SLC8A2: variants seen among roughly 807,000 people sequenced by gnomAD.
The protein encoded by SLC8A2 is solute carrier family 8 member A2.
A neutral mutation model predicts 70.2 loss-of-function variants in SLC8A2; 14 were observed. The ratio of observed to expected loss-of-function variants is 0.20; its 90% CI spans 0.13 to 0.31. SLC8A2 has a LOEUF of 0.31. Among genes scored for constraint, SLC8A2 ranks in the 10% least tolerant of loss-of-function variants. The pLI is 1.00. For synonymous variants in SLC8A2, 575 were observed against 594.3 expected (o/e 0.97, Z 0.47); for missense variants, 779 against 1,320.1 (o/e 0.59, Z 6.35).
chr19:47,432,541 T>G lies in SLC8A2; in HGVS notation c.2111-96A>C. The G allele has an allele frequency of 8.0e-7, 1 of 1,245,442 alleles. No homozygotes were observed. Among genetic ancestry groups the G allele is most frequent in the Non-Finnish European group, 1.1e-6 (1 of 906,770 alleles). The allele number at this position is 1,245,442 out of a possible 1,614,324, so 77.1% of individuals were successfully genotyped here. Reference sequence around the variant, plus strand: ...CTAACTTCCTGACAGCAAGTCCCATTGAATGAACTTCTTTCCCAGAATCCC... The same window carrying G: ...CTAACTTCCTGACAGCAAGTCCCATGGAATGAACTTCTTTCCCAGAATCCC... On this transcript the variant is annotated intron_variant, in intron 8 of 9. Coordinates refer to ENST00000236877, the MANE Select transcript of SLC8A2 (RefSeq NM_015063.3). This position sits in a 1 kb window ranked among gnomAD's most constrained non-coding sequence, Gnocchi z 6.2.
intron 2 of SLC8A2, among the ~76,000 whole-genome samples, chr19:47,458,510 T>C (rs1967346045): frequency 7.7e-6 from 1 of 130,678 alleles, no homozygotes; most frequent in Admixed American, 8.0e-5. Context: ...CCCACTTCTC[T>C]CCTCCTCATT....
In SLC8A2 at chr19:47,466,280, C is replaced by T. The variant is rs756026978; in HGVS notation, c.124G>A (p.Gly42Ser). ...TGGCAGCGGTAGGACCCCTGGCAGC[C>T]CCCTGTGCTGGTGTCGCTGTCATTG... ...PANDSDTSTG[G>S]CQGSYRCQPG... Residue 42 changes from glycine (G) to serine (S), a missense_variant, in exon 2 of 10, where the codon GGC (glycine) becomes AGC (serine). Physicochemically the swap from Gly to Ser is moderately conservative, Grantham distance 56. Around this residue, in one of 6 missense-constraint regions of SLC8A2, gnomAD observed 65 missense variants for 61.3 expected, o/e 1.06. Transcript: ENST00000236877. The surrounding 1 kb of genome is among the most constrained non-coding windows in gnomAD (Gnocchi z 6.9). 1 of 1,553,414 alleles carries T rather than the reference C, an allele frequency of 6.4e-7. No individual in the cohort carries two copies. The highest frequency in any genetic ancestry group is 2.3e-5 in the East Asian group (1 of 43,180).
At chr19:47,446,918 T>C (rs1177727646) in intron 4 of SLC8A2, among the ~76,000 whole-genome samples, 1 of 152,076 alleles carries the variant, frequency 6.6e-6, no homozygotes, top group Admixed American at 6.6e-5. Context: ...TACATGTGTG[T>C]GTCTGAGTGT....
chr19:47,452,409 A>ATG, intron 3 of SLC8A2, among the ~76,000 whole-genome samples: 1 of 70,908 alleles, frequency 1.4e-5, no homozygotes, highest in Non-Finnish European at 2.9e-5. Flanking sequence ...AGAGAGAGAG[A>ATG]GAGAGAGAGA....
At chr19:47,471,499 C>A (rs1380986400) in intron 1 of SLC8A2, among the ~76,000 whole-genome samples, 1 of 144,182 alleles carries the variant, frequency 6.9e-6, no homozygotes, top group African/African-American at 2.6e-5. Context: ...AGGTAGAGAG[C>A]GCGAGGGGGG....
intron 3 of SLC8A2, among the ~76,000 whole-genome samples, chr19:47,450,835 G>A (rs1021795942): frequency 2.6e-5 from 4 of 152,064 alleles, no homozygotes; most frequent in African/African-American, 9.7e-5. Flanking sequence ...TTTACCTCCT[G>A]GCGCTGTGGT....
chr19:47,452,835 C>A (rs1452211814), intron 3 of SLC8A2, among the ~76,000 whole-genome samples: 1 of 152,060 alleles, frequency 6.6e-6, no homozygotes, highest in South Asian at 2.1e-4. Context: ...GAGTTTGAGA[C>A]CAGCCTGGCC....
chr19:47,432,443 C>G lies in SLC8A2; in HGVS notation c.2113G>C (p.Asp705His). 6.3e-7 allele frequency: 1 copy of G among 1,589,228 alleles called. No individual in the cohort carries two copies. The highest frequency in any genetic ancestry group is 8.6e-7 in the Non-Finnish European group (1 of 1,167,454). Residue 705 changes from aspartate (D) to histidine (H), a missense_variant and splice_region_variant, in exon 9 of 10, where the codon GAC becomes CAC. Asp to His is a moderately conservative substitution (Grantham distance 81). Around this residue, in one of 6 missense-constraint regions of SLC8A2, gnomAD observed 247 missense variants for 362.8 expected, o/e 0.68. Transcript: ENST00000236877. This position sits in a 1 kb window ranked among gnomAD's most constrained non-coding sequence, Gnocchi z 6.2. Reference sequence around the variant, plus strand: ...GACCCGTCCTCCTCCTCCTCCTCGTCCCCTGTGGGCACACGACCCAGCTGG... The same window carrying G: ...GACCCGTCCTCCTCCTCCTCCTCGTGCCCTGTGGGCACACGACCCAGCTGG... ...FLEAITVSAG[D>H]EEEEEDGSRE... is the part of the protein sequence containing the mutation.
In SLC8A2 at chr19:47,448,007, G is replaced by T. The variant is rs1172388914; in HGVS notation, c.1565C>A (p.Ala522Glu). The T allele has an allele frequency of 6.4e-7, 1 of 1,562,568 alleles. No homozygotes were observed. The highest frequency in any genetic ancestry group is 1.4e-5 in the African/African-American group (1 of 73,818). ...GCGGTCCTGGAAGGAGAAGATGCCT[G>T]CGTGGTCGTCGTCCAGGATGGTGAC... ...ATVTILDDDHAGIFSFQDRLL... is the reference protein window; with the variant it reads ...ATVTILDDDHEGIFSFQDRLL... The change falls in exon 4 of 10, where the codon GCA (alanine) becomes GAA (glutamate). Residue 522 changes from alanine (A) to glutamate (E), a missense_variant. Ala to Glu is a moderately radical substitution (Grantham distance 107, BLOSUM62 -1). Around this residue, in one of 6 missense-constraint regions of SLC8A2, gnomAD observed 247 missense variants for 362.8 expected, o/e 0.68. Transcript: ENST00000236877. The surrounding 1 kb of genome is among the most constrained non-coding windows in gnomAD (Gnocchi z 4.8).
intron 2 of SLC8A2, among the ~76,000 whole-genome samples, chr19:47,461,563 C>CT (rs1967395461): frequency 1.3e-5 from 2 of 152,180 alleles, no homozygotes; most frequent in South Asian, 4.1e-4. Context: ...GGAAAAATAT[C>CT]TAAGATCCAG....
At position 47,456,913 on chromosome 19, in the gene SLC8A2, C is replaced by A. The variant is rs374609999; in HGVS notation, c.1340+17G>T. Reference sequence around the variant, plus strand: ...CTGCGCCAGCCCCCTGCACACCCCCCACCCCGGGGGACCCACCTGTACTCG... The same window carrying A: ...CTGCGCCAGCCCCCTGCACACCCCCAACCCCGGGGGACCCACCTGTACTCG... On this transcript the variant is annotated intron_variant, in intron 3 of 9. Coordinates refer to ENST00000236877, the MANE Select transcript of SLC8A2 (RefSeq NM_015063.3). The A allele has an allele frequency of 1.9e-6, 3 of 1,572,074 alleles. No homozygotes were observed. The highest frequency in any genetic ancestry group is 2.3e-5 in the East Asian group (1 of 42,858).
At chr19:47,462,918 G>A (rs1287269025) in intron 2 of SLC8A2, among the ~76,000 whole-genome samples, 1 of 152,034 alleles carries the variant, frequency 6.6e-6, no homozygotes, top group African/African-American at 2.4e-5. Context: ...GTATTTTCCT[G>A]TATGGTTTAA....
chr19:47,471,487 A>C (rs10426417), intron 1 of SLC8A2, among the ~76,000 whole-genome samples: 6,358 of 143,936 alleles, frequency 0.044, 440 homozygotes, highest in African/African-American at 0.15. Flanking sequence ...AGGCGGGGGC[A>C]GAGGTAGAGA....
intron 8 of SLC8A2, among the ~76,000 whole-genome samples, chr19:47,436,218 GA>G (rs1475889397): frequency 6.6e-6 from 1 of 152,088 alleles, no homozygotes; most frequent in Non-Finnish European, 1.5e-5. Flanking sequence ...CCCCCTCCAG[GA>G]AGCCCTCCCT....
At position 47,465,828 on chromosome 19, in the gene SLC8A2, G is replaced by A; in HGVS notation, c.576C>T (p.Ile192=). ...TGACAAAGAAGACTCTCAGGTGCTT[G>A]ATCTTGCGGCTCTCGCCGGCTGGGA... is the stretch of plus-strand genomic sequence containing the variant. ...YVIPAGESRK[I]KHLRVFFVTA... The change falls in exon 2 of 10, where the codon ATC becomes ATT. Residue 192 remains isoleucine, a synonymous_variant. Coordinates refer to ENST00000236877, the MANE Select transcript of SLC8A2 (RefSeq NM_015063.3). This position sits in a 1 kb window ranked among gnomAD's most constrained non-coding sequence, Gnocchi z 5.5. The A allele has an allele frequency of 6.2e-7, 1 of 1,614,212 alleles. No individual in the cohort carries two copies. The highest frequency in any genetic ancestry group is 1.1e-5 in the South Asian group (1 of 91,084).
chr19:47,441,109 C>T (rs1967094185), intron 6 of SLC8A2, 60 bp downstream of exon 6: 2 of 1,538,360 alleles, frequency 1.3e-6, no homozygotes, highest in Non-Finnish European at 1.8e-6. Context: ...CTGGGACCCT[C>T]CCCCAGGCCC....
At chr19:47,457,630 G>A (rs1205669266) in intron 2 of SLC8A2, 36 bp from the exon 3 acceptor site, 3 of 1,398,902 alleles carry the variant, frequency 2.1e-6, no homozygotes, top group Non-Finnish European at 2.9e-6. Flanking sequence ...GGCCGGGCGG[G>A]CCGCCTTCTC....
rs1197199438 is a variant in SLC8A2 at position 47,448,307 on chromosome 19, A to G, written c.1341-76T>C. Reference sequence around the variant, plus strand: ...TGTGTGTTGTACGGGGGGAGTCTGGACGTGCTTCCCAGAGGAGACGTAGGT... The same window carrying G: ...TGTGTGTTGTACGGGGGGAGTCTGGGCGTGCTTCCCAGAGGAGACGTAGGT... On this transcript the variant is annotated intron_variant, in intron 3 of 9. Coordinates refer to ENST00000236877, the MANE Select transcript of SLC8A2 (RefSeq NM_015063.3). The surrounding 1 kb of genome is among the most constrained non-coding windows in gnomAD (Gnocchi z 4.8). 2 of 1,170,818 alleles carry G rather than the reference A, an allele frequency of 1.7e-6. No individual in the cohort carries two copies. The highest frequency in any genetic ancestry group is 4.4e-5 in the Admixed American group (2 of 44,978). The allele number at this position is 1,170,818 out of a possible 1,614,324, so 72.5% of individuals were successfully genotyped here.
Position 47,430,127 on chromosome 19 carries a change from C to A in SLC8A2, c.2728G>T (p.Ala910Ser). Residue 910 changes from alanine (A) to serine (S), a missense_variant, in exon 10 of 10, where the codon GCC becomes TCC. Around this residue, in one of 6 missense-constraint regions of SLC8A2, gnomAD observed 108 missense variants for 269.6 expected, o/e 0.40. Transcript: ENST00000236877. The surrounding 1 kb of genome is among the most constrained non-coding windows in gnomAD (Gnocchi z 5.9). The part of the protein sequence containing the change: ...LGLWLLYILF[A>S]SLEAYCHIRG... ...ATGTGGCAGTACGCCTCCAGGCTGG[C>A]GAAGAGGATGTACAGGAGCCAGAGG... 1.3e-6 allele frequency: 2 copies of A among 1,591,778 alleles called. No individual in the cohort carries two copies. Among genetic ancestry groups the A allele is most frequent in the Non-Finnish European group, 1.7e-6 (2 of 1,169,140 alleles).
Sources: allele counts gnomAD v4.1 joint callset (sites outside exome capture counted in the v4.1 genomes callset), GRCh38; gene constraint gnomAD v4.1.1; regional missense constraint gnomAD v4.1.1; non-coding constraint Gnocchi (gnomAD v3.1); transcripts MANE v1.5; gene names NCBI Gene and HGNC (gene_info 2026-07-23, HGNC 2026-07-21).